ANTXR1: variants seen among roughly 807,000 people sequenced by gnomAD.
ANTXR1 encodes the protein anthrax toxin receptor 1.
Under a neutral mutation model 78.1 loss-of-function variants are expected in ANTXR1, and 19 were observed. The ratio of observed to expected loss-of-function variants is 0.24; its 90% CI spans 0.17 to 0.36. The LOEUF is 0.36. Ranked by LOEUF, ANTXR1 falls within the 10% of genes least tolerant of loss-of-function variation. The pLI is 1.00. For missense variants in ANTXR1, 518 were observed against 718.6 expected, an observed-to-expected ratio of 0.72 and a Z score of 3.19; for synonymous variants, 273 against 260.5, an observed-to-expected ratio of 1.05 and a Z score of -0.46.
intron 17 of ANTXR1, among the ~76,000 whole-genome samples, chr2:69,244,199 G>A (rs966624493): frequency 1.3e-5 from 2 of 152,356 alleles, no homozygotes; most frequent in African/African-American, 4.8e-5. Context: ...CTTAAGGCTG[G>A]CTTTGGACGC....
In ANTXR1 at chr2:69,090,894, T is replaced by C. The variant is rs778573594; in HGVS notation, c.678T>C (p.Ala226=). 11 of 1,613,240 alleles carry C rather than the reference T, an allele frequency of 6.8e-6. No homozygotes were observed. Among genetic ancestry groups the C allele is most frequent in the Non-Finnish European group, 7.6e-6 (9 of 1,179,998 alleles). The change falls in exon 9 of 18, where the codon GCT becomes GCC. Residue 226 remains alanine (A), a synonymous_variant. Transcript: ENST00000303714. ...LKKSCIEILA[A]EPSTICAGES... ...AGTCCTGCATCGAAATTCTAGCAGC[T>C]GAACCATCCACCATATGTGCAGGAG...
intron 3 of ANTXR1, among the ~76,000 whole-genome samples, chr2:69,052,452 A>C (rs781212531): frequency 3.0e-4 from 46 of 152,098 alleles, no homozygotes; most frequent in African/African-American, 1.1e-3. Flanking sequence ...GACATAGTCA[A>C]CTTGCATTAT....
intron 17 of ANTXR1, among the ~76,000 whole-genome samples, chr2:69,205,108 C>T (rs754837750): frequency 6.6e-6 from 1 of 152,160 alleles, no homozygotes; most frequent in South Asian, 2.1e-4. Context: ...TACAGCTCCA[C>T]ATGGTAGATA....
rs184983016 is a variant in ANTXR1 at position 69,149,416 on chromosome 2, C to T, written c.952-2753C>T. On this transcript the variant is annotated intron_variant, in intron 12 of 17. Coordinates refer to ENST00000303714, the MANE Select transcript of ANTXR1 (RefSeq NM_032208.3). ...CATTCTGCACCAAGTCCTTCATTCT[C>T]GCTACTTCACGGAAAACCTTCCTCT... Among the ~76,000 whole-genome samples, 171 of 152,304 alleles carry T rather than the reference C, an allele frequency of 1.1e-3. 1 individual carries two copies. The highest frequency in any genetic ancestry group is 3.8e-3 in the African/African-American group (160 of 41,562).
At chr2:69,165,877 C>T (rs991101000) in intron 13 of ANTXR1, among the ~76,000 whole-genome samples, 2 of 152,190 alleles carry the variant, frequency 1.3e-5, no homozygotes, top group African/African-American at 4.8e-5. Context: ...GCAAAATAAA[C>T]TCATCAGGTG....
intron 3 of ANTXR1, among the ~76,000 whole-genome samples, chr2:69,065,604 C>T (rs999567808): frequency 6.6e-6 from 1 of 151,916 alleles, no homozygotes; most frequent in African/African-American, 2.4e-5. Flanking sequence ...AATATCTGGG[C>T]ATGTTACTGT....
intron 1 of ANTXR1, among the ~76,000 whole-genome samples, chr2:69,026,887 G>A (rs879439362): frequency 5.9e-5 from 9 of 152,182 alleles, no homozygotes; most frequent in African/African-American, 1.4e-4. Flanking sequence ...TCTAGGAGAC[G>A]CTGCATCGGG....
intron 17 of ANTXR1, among the ~76,000 whole-genome samples, chr2:69,202,697 T>TCC (rs1204995497): frequency 6.6e-6 from 1 of 152,100 alleles, no homozygotes; most frequent in Non-Finnish European, 1.5e-5. Flanking sequence ...AGTGAGGACA[T>TCC]CCCTGTGGGA....
chr2:69,141,193 C>T (rs1169088543), intron 12 of ANTXR1, among the ~76,000 whole-genome samples: 1 of 152,134 alleles, frequency 6.6e-6, no homozygotes, highest in Non-Finnish European at 1.5e-5. Flanking sequence ...TTACTTTGGC[C>T]AAGCATGGGC....
chr2:69,212,847 T>C (rs1043291385), intron 17 of ANTXR1, among the ~76,000 whole-genome samples: 6 of 152,082 alleles, frequency 3.9e-5, no homozygotes, highest in Non-Finnish European at 5.9e-5. Flanking sequence ...CTCACTATAT[T>C]GCCCAGGCCA....
At chr2:69,051,562 T>C (rs896316190) in intron 3 of ANTXR1, among the ~76,000 whole-genome samples, 10 of 152,174 alleles carry the variant, frequency 6.6e-5, no homozygotes, top group African/African-American at 2.2e-4. Context: ...TATTTTTTAG[T>C]TTATTAATTT....
At chr2:69,213,774 A>G (rs761071052) in intron 17 of ANTXR1, among the ~76,000 whole-genome samples, 2 of 152,246 alleles carry the variant, frequency 1.3e-5, no homozygotes, top group Admixed American at 6.5e-5. Context: ...GCAACACCTA[A>G]GTCAGTCTCC....
intron 14 of ANTXR1, among the ~76,000 whole-genome samples, chr2:69,176,571 T>A (rs898975311): frequency 3.3e-5 from 5 of 152,228 alleles, no homozygotes; most frequent in African/African-American, 1.2e-4. Context: ...CTCACGAAAC[T>A]CACTCCTCTA....
intron 3 of ANTXR1, among the ~76,000 whole-genome samples, chr2:69,051,783 A>G (rs963399049): frequency 1.3e-5 from 2 of 152,090 alleles, no homozygotes; most frequent in African/African-American, 4.8e-5. Context: ...TTTAATTTAC[A>G]TCATCTTACT....
chr2:69,150,759 C>G (rs1353151767), intron 12 of ANTXR1, among the ~76,000 whole-genome samples: 1 of 151,966 alleles, frequency 6.6e-6, no homozygotes, highest in East Asian at 1.9e-4. Flanking sequence ...TGGCTCACAC[C>G]TATAGTCCCA....
At chr2:69,173,575 T>C (rs1290030664) in intron 14 of ANTXR1, among the ~76,000 whole-genome samples, 1 of 152,198 alleles carries the variant, frequency 6.6e-6, no homozygotes, top group Admixed American at 6.5e-5. Context: ...CTGTGGCCTC[T>C]CTGAAATAGT....
At chr2:69,237,051 T>A (rs955932425) in intron 17 of ANTXR1, among the ~76,000 whole-genome samples, 2 of 152,252 alleles carry the variant, frequency 1.3e-5, no homozygotes, top group Non-Finnish European at 2.9e-5. Context: ...TATCATTAAA[T>A]AAGTCATATC....
intron 1 of ANTXR1, among the ~76,000 whole-genome samples, 157 bp from the exon 2 acceptor site, chr2:69,039,887 C>A (rs1387836044): frequency 1.3e-5 from 2 of 152,112 alleles, no homozygotes; most frequent in Non-Finnish European, 2.9e-5. Context: ...AAAGTTGAAA[C>A]AGCCTTTCAA....
In ANTXR1 at chr2:69,013,353, A is replaced by T. The variant is rs920015430; in HGVS notation, c.-147A>T. 1 of 1,133,822 alleles carries T rather than the reference A, an allele frequency of 8.8e-7. No individual in the cohort carries two copies. Among genetic ancestry groups the T allele is most frequent in the Non-Finnish European group, 1.3e-6 (1 of 784,450 alleles). The allele number at this position is 1,133,822 out of a possible 1,614,324, so 70.2% of individuals were successfully genotyped here. A position where few individuals can be genotyped will look rare whatever the true frequency, so the allele number is the denominator to read the frequency against. ...CAGAGGGGAAACCTTGAACTCCTCC[A>T]GACAATTGCTTCCGGGGAGTTGCGA... On this transcript the variant is annotated 5_prime_UTR_variant, in exon 1 of 18. Coordinates refer to ENST00000303714, the MANE Select transcript of ANTXR1 (RefSeq NM_032208.3). This position sits in a 1 kb window ranked among gnomAD's most constrained non-coding sequence, Gnocchi z 5.0.
Sources: gnomAD v4.1 joint callset for allele counts (sites outside exome capture counted in the v4.1 genomes callset) on GRCh38, gnomAD v4.1.1 for gene constraint, Gnocchi (gnomAD v3.1) non-coding constraint, MANE v1.5 for transcripts, NCBI Gene and HGNC (gene_info 2026-07-23, HGNC 2026-07-21) for gene names.